The following GAN variants were observed in gnomAD, a reference collection of about 807,000 sequenced individuals.
GAN encodes the protein gigaxonin.
GAN carries 48 observed loss-of-function variants against 71.3 expected under a neutral mutation model. That is an observed-to-expected ratio of 0.67 (90% CI 0.53 to 0.86). The LOEUF (loss-of-function observed/expected upper bound fraction) is 0.86, where lower values mean the gene tolerates loss of function less well. Ranked by LOEUF, GAN falls within the 40% of genes least tolerant of loss-of-function variation. GAN has a pLI of 0.00. For missense variants in GAN, 928 were observed against 770.1 expected (o/e 1.21, Z -2.43); for synonymous variants, 386 against 276.8 (o/e 1.39, Z -3.92).
intron 1 of GAN, among the ~76,000 whole-genome samples, chr16:81,336,925 A>G (rs1175840974): frequency 6.6e-6 from 1 of 151,444 alleles, no homozygotes; most frequent in Non-Finnish European, 1.5e-5. Flanking sequence ...CAATTCCTGA[A>G]CCTACATTGG....
chr16:81,353,163 C>T (rs1910357520), intron 2 of GAN, among the ~76,000 whole-genome samples: 1 of 151,878 alleles, frequency 6.6e-6, no homozygotes, highest in African/African-American at 2.4e-5. Flanking sequence ...AGGTGGCGGG[C>T]GCCTGTAGTC....
At chr16:81,369,258 C>T (rs1298172274) in intron 9 of GAN, among the ~76,000 whole-genome samples, 1 of 152,182 alleles carries the variant, frequency 6.6e-6, no homozygotes, top group Non-Finnish European at 1.5e-5. Context: ...GCCACCATGA[C>T]AACAAGGGCT....
rs1305620430 is a variant in GAN at position 81,387,131 on chromosome 16, AG to A, written c.*9536del. 1 of 152,216 alleles carries A rather than the reference AG, an allele frequency of 6.6e-6. No homozygotes were observed. 9.4% of individuals were successfully genotyped at this position (152,216 alleles called of 1,614,324 possible). ...ACTTGAATAAAAATATAGAAGGCAA[AG>A]AAGAGTGCTGGGCAAGATGTGTTGG... On this transcript the variant is annotated 3_prime_UTR_variant, in exon 11 of 11. Transcript: ENST00000648994.
intron 1 of GAN, among the ~76,000 whole-genome samples, chr16:81,347,206 G>C (rs141841294): frequency 0.02 from 3,018 of 152,242 alleles, 55 homozygotes; most frequent in Non-Finnish European, 0.025. Context: ...GATACACCTA[G>C]ACAACAGCCA....
At chr16:81,350,048 T>G (rs1192786449) in intron 1 of GAN, among the ~76,000 whole-genome samples, 7 of 152,200 alleles carry the variant, frequency 4.6e-5, no homozygotes, top group Non-Finnish European at 5.9e-5. Context: ...AAATTGTTCT[T>G]CAAATTCTTC....
chr16:81,354,882 A>G, intron 3 of GAN, 127 bp downstream of exon 3: 1 of 657,828 alleles, frequency 1.5e-6, no homozygotes, highest in Non-Finnish European at 2.7e-6. Flanking sequence ...ATACCTGTAA[A>G]ACATGTTCCC....
At chr16:81,328,327 A>G (rs1909455699) in intron 1 of GAN, among the ~76,000 whole-genome samples, 2 of 152,194 alleles carry the variant, frequency 1.3e-5, no homozygotes, top group Admixed American at 6.5e-5. Flanking sequence ...AATTCATTTC[A>G]CATCTCTCTC....
chr16:81,326,446 T>C (rs1253556730), intron 1 of GAN, among the ~76,000 whole-genome samples: 1 of 152,010 alleles, frequency 6.6e-6, no homozygotes, highest in Non-Finnish European at 1.5e-5. Context: ...GGCAGGAGAA[T>C]TGTTTGAACC....
At chr16:81,365,139 A>G (rs777136440) in intron 8 of GAN, 29 bp downstream of exon 8, 2 of 1,610,710 alleles carry the variant, frequency 1.2e-6, no homozygotes, top group South Asian at 2.2e-5. Context: ...GACTTTGTAG[A>G]TTCCCTTGCT....
intron 7 of GAN, among the ~76,000 whole-genome samples, chr16:81,364,732 G>A (rs979182802): frequency 2.6e-5 from 4 of 152,154 alleles, no homozygotes; most frequent in Non-Finnish European, 5.9e-5. Context: ...ACTTCTTTCA[G>A]TTAGTGAAAT....
chr16:81,322,582 C>T (rs887995118), intron 1 of GAN, among the ~76,000 whole-genome samples: 1 of 152,052 alleles, frequency 6.6e-6, no homozygotes, highest in Non-Finnish European at 1.5e-5. Flanking sequence ...TATTTTTGCT[C>T]GTAGATATTT....
intron 1 of GAN, among the ~76,000 whole-genome samples, chr16:81,337,937 C>A (rs1004144190): frequency 6.6e-6 from 1 of 152,276 alleles, no homozygotes; most frequent in South Asian, 2.1e-4. Flanking sequence ...GCCTCTAGGA[C>A]TCACTAGGGT....
chr16:81,390,295 C>T lies in GAN; in HGVS notation c.*12699C>T, dbSNP rs1567505404. 6.6e-6 allele frequency: 1 copy of T among 152,120 alleles called. No individual in the cohort carries two copies. Among genetic ancestry groups the T allele is most frequent in the African/African-American group, 2.4e-5 (1 of 41,418 alleles). The allele number at this position is 152,120 out of a possible 1,614,324, so 9.4% of individuals were successfully genotyped here. A position where few individuals can be genotyped will look rare whatever the true frequency, so the allele number is the denominator to read the frequency against. On this transcript the variant is annotated 3_prime_UTR_variant, in exon 11 of 11. Coordinates refer to ENST00000648994, the MANE Select transcript of GAN (RefSeq NM_022041.4). ...AATGTCACGTCTCACATCCTGTGGT[C>T]CAAAGGTACTAGTTTGTTTTGTGGA...
intron 1 of GAN, among the ~76,000 whole-genome samples, chr16:81,327,110 A>T (rs1909416803): frequency 1.3e-5 from 2 of 152,202 alleles, no homozygotes; most frequent in Admixed American, 1.3e-4. Context: ...CACGAATTCA[A>T]TTTCTGATGC....
At chr16:81,353,297 A>AAAAAAAAAAAAACAAAAC (rs1567490933) in intron 2 of GAN, among the ~76,000 whole-genome samples, 20 of 151,408 alleles carry the variant, frequency 1.3e-4, no homozygotes, top group African/African-American at 4.6e-4. Context: ...GTCTCAAAAA[A>AAAAAAAAAAAAACAAAAC]AAAAAAAAAC....
intron 1 of GAN, among the ~76,000 whole-genome samples, chr16:81,345,716 C>T (rs1309865369): frequency 1.3e-5 from 2 of 152,308 alleles, no homozygotes; most frequent in South Asian, 4.1e-4. Flanking sequence ...GTACGTTCTG[C>T]ACATGTAACC....
Position 81,337,040 on chromosome 16 carries a change from C to T in GAN, c.168-14543C>T, listed in dbSNP as rs935844517. 2.0e-5 allele frequency among the ~76,000 whole-genome samples: 3 copies of T among 152,250 alleles called. No individual in the cohort carries two copies. The East Asian group carries it at 5.8e-4, about 29-fold the overall frequency. ...GTGTCATGACATGGATCCACTATTA[C>T]AGTATCACCCAGAGTAGTTTCACTG... On this transcript the variant is annotated intron_variant, in intron 1 of 10. Coordinates refer to ENST00000648994, the MANE Select transcript of GAN (RefSeq NM_022041.4).
intron 1 of GAN, among the ~76,000 whole-genome samples, chr16:81,336,837 TC>T (rs973666682): frequency 3.3e-5 from 5 of 152,182 alleles, no homozygotes; most frequent in South Asian, 2.1e-4. Context: ...TACAAATATA[TC>T]CCCTTTCCCC....
intron 5 of GAN, among the ~76,000 whole-genome samples, chr16:81,361,996 T>C (rs991152807): frequency 2.0e-5 from 3 of 152,256 alleles, no homozygotes; most frequent in African/African-American, 7.2e-5. Flanking sequence ...TTTTAAATGT[T>C]TTATCCAGCA....
Sources: gnomAD v4.1 joint callset for allele counts (sites outside exome capture counted in the v4.1 genomes callset) on GRCh38, gnomAD v4.1.1 for gene constraint, MANE v1.5 for transcripts, NCBI Gene and HGNC (gene_info 2026-07-23, HGNC 2026-07-21) for gene names.